Variants in CA5A observed in about 807,000 individuals in gnomAD.
CA5A encodes carbonic anhydrase 5A, mitochondrial.
A neutral mutation model predicts 37.1 loss-of-function variants in CA5A; 28 were observed. That is an observed-to-expected ratio of 0.75 (90% CI 0.56 to 1.03). The LOEUF (loss-of-function observed/expected upper bound fraction) is 1.03. CA5A is among the 50% of genes least tolerant of loss of function. The pLI is 0.00. For missense variants in CA5A, 444 were observed against 399.9 expected (o/e 1.11, Z -0.94); for synonymous variants, 171 against 158.4 (o/e 1.08, Z -0.60).
At chr16:87,923,271 C>T (rs1332045895) in intron 2 of CA5A, among the ~76,000 whole-genome samples, 1 of 152,180 alleles carries the variant, frequency 6.6e-6, no homozygotes, top group East Asian at 1.9e-4. Flanking sequence ...TCACTGCAAA[C>T]TCCACCTCCC....
At chr16:87,891,732 T>G (rs2055716711) in intron 6 of CA5A, 67 bp downstream of exon 6, 2 of 1,303,886 alleles carry the variant, frequency 1.5e-6, no homozygotes, top group South Asian at 3.4e-5. Flanking sequence ...AGCATCTTAG[T>G]GACGCTGCCA....
intron 1 of CA5A, among the ~76,000 whole-genome samples, chr16:87,927,556 G>A (rs1235426585): frequency 6.6e-6 from 1 of 152,114 alleles, no homozygotes; most frequent in Non-Finnish European, 1.5e-5. Context: ...TAAAGTAAGA[G>A]CCATTAATCG....
At chr16:87,889,765 C>G (rs1567513404) in intron 6 of CA5A, among the ~76,000 whole-genome samples, 1 of 151,620 alleles carries the variant, frequency 6.6e-6, no homozygotes. Context: ...GAGGGAAACT[C>G]CATCTCAAAA....
At chr16:87,908,989 A>AT (rs60201296) in intron 2 of CA5A, among the ~76,000 whole-genome samples, 15,273 of 139,238 alleles carry the variant, frequency 0.11, 956 homozygotes, top group Non-Finnish European at 0.15. Context: ...ACACCCGGCT[A>AT]TTTTTTTTTT....
At chr16:87,923,266 G>A (rs375941047) in intron 2 of CA5A, among the ~76,000 whole-genome samples, 29 of 152,264 alleles carry the variant, frequency 1.9e-4, no homozygotes, top group African/African-American at 6.5e-4. Flanking sequence ...TCTGCTCACT[G>A]CAAACTCCAC....
intron 1 of CA5A, among the ~76,000 whole-genome samples, chr16:87,931,973 G>A (rs1051018696): frequency 1.5e-5 from 2 of 137,074 alleles, no homozygotes; most frequent in Non-Finnish European, 3.2e-5. Context: ...GGGCGTGGTC[G>A]TGCCTGCCTG....
In CA5A at chr16:87,931,757, C is replaced by T. The variant is rs116304274; in HGVS notation, c.142+4552G>A. ...TGCCGGAAAGCAGTGACTAAGCCGGCGCTGGGAAACAGTGGGCCCTGCGGC... is the reference window on the plus strand; with the variant it reads ...TGCCGGAAAGCAGTGACTAAGCCGGTGCTGGGAAACAGTGGGCCCTGCGGC... On this transcript the variant is annotated intron_variant, in intron 1 of 6. Transcript: ENST00000649794. Among the ~76,000 whole-genome samples, 79 of 152,316 alleles carry T rather than the reference C, an allele frequency of 5.2e-4. 1 individual carries two copies. Among genetic ancestry groups the T allele is most frequent in the South Asian group, 2.1e-3 (10 of 4,830 alleles).
chr16:87,901,962 GA>G lies in CA5A; in HGVS notation c.567del (p.His190IlefsTer14). 1 of 1,613,696 alleles carries G rather than the reference GA, an allele frequency of 6.2e-7. No homozygotes were observed. Reference protein sequence around the residue: ...VIGVFLKLGAHHQTLQRLVDI... With the variant: ...VIGVFLKLGAXHQTLQRLVDI... ...TCCACCAGCCTCTGCAGCGTCTGAT[GA>G]TGGGCCCCGAGCTGCATGGCAGACA... On this transcript the variant is annotated frameshift_variant, in exon 5 of 7. Transcript: ENST00000649794. LOFTEE classifies it high-confidence loss of function.
At chr16:87,910,410 C>T (rs549229456) in intron 2 of CA5A, among the ~76,000 whole-genome samples, 62 of 152,280 alleles carry the variant, frequency 4.1e-4, no homozygotes, top group African/African-American at 1.2e-3. Flanking sequence ...GAAATTGAGA[C>T]GCAGAGAGGT....
chr16:87,914,922 G>A (rs75477011), intron 2 of CA5A, among the ~76,000 whole-genome samples: 139 of 152,338 alleles, frequency 9.1e-4, no homozygotes, highest in African/African-American at 3.2e-3. Flanking sequence ...TCGGCCTCCC[G>A]TCTTCGGAAC....
intron 5 of CA5A, among the ~76,000 whole-genome samples, chr16:87,900,560 T>C (rs912183708): frequency 2.0e-5 from 3 of 152,240 alleles, no homozygotes; most frequent in Admixed American, 6.5e-5. Context: ...TTCTTTTGTA[T>C]GCTGCTGAAT....
chr16:87,905,018 T>C (rs2055939090), intron 2 of CA5A, 114 bp from the exon 3 acceptor site: 1 of 728,778 alleles, frequency 1.4e-6, no homozygotes, highest in Non-Finnish European at 2.5e-6. Flanking sequence ...AAGGGGTTGC[T>C]GTATGGTTGA....
intron 6 of CA5A, among the ~76,000 whole-genome samples, chr16:87,890,792 TTTTA>T (rs914245589): frequency 1.3e-5 from 2 of 151,850 alleles, no homozygotes; most frequent in African/African-American, 4.8e-5. Flanking sequence ...ATTTTTGTAT[TTTTA>T]TTTATTTATT....
chr16:87,884,503 G>T (rs1426203471), downstream of CA5A: 7 of 151,332 alleles, frequency 4.6e-5, 1 homozygote, highest in Admixed American at 1.3e-4. Context: ...GGAGGCAGAG[G>T]TTGTGGTGAA....
intron 2 of CA5A, chr16:87,923,674 G>A (rs2056261210): frequency 1.0e-6 from 1 of 985,364 alleles, no homozygotes; most frequent in Non-Finnish European, 1.2e-6. Flanking sequence ...CCTTTGCCTT[G>A]GGAATTTATT....
rs186027598 is a variant in CA5A at position 87,917,036 on chromosome 16, C to T, written c.340+9712G>A. Reference sequence around the variant, plus strand: ...AGGAGAATGGTGTGAACCCGGGAGGCGGAGGTTGCAGTGAGCCAAGACAGC... The same window carrying T: ...AGGAGAATGGTGTGAACCCGGGAGGTGGAGGTTGCAGTGAGCCAAGACAGC... On this transcript the variant is annotated intron_variant, in intron 2 of 6. Transcript: ENST00000649794. Among the ~76,000 whole-genome samples the T allele has an allele frequency of 1.4e-3, 211 of 145,680 alleles. 2 individuals carry two copies. The highest frequency in any genetic ancestry group is 0.014 in the Middle Eastern group (4 of 280).
rs577548179 is a variant in CA5A at position 87,917,111 on chromosome 16, A to G, written c.340+9637T>C. Among the ~76,000 whole-genome samples, 41 of 85,874 alleles carry G rather than the reference A, an allele frequency of 4.8e-4. 1 individual carries two copies. The South Asian group carries it at 0.013, about 28-fold the overall frequency. The allele number at this position is 85,874 out of a possible 152,430, so 56.3% of individuals were successfully genotyped here. ...CAGAGCGAGAGTCTGTCTCAAAAAA[A>G]AAAAAAAAAAGAAAAGAAAAGAAAG... On this transcript the variant is annotated intron_variant, in intron 2 of 6. Transcript: ENST00000649794.
chr16:87,910,872 C>T (rs1227610925), intron 2 of CA5A, among the ~76,000 whole-genome samples: 1 of 152,096 alleles, frequency 6.6e-6, no homozygotes, highest in Admixed American at 6.6e-5. Flanking sequence ...ACCTGTGCTT[C>T]CCGAGTAGCT....
chr16:87,911,099 C>CAAAAAAA lies in CA5A; in HGVS notation c.341-6202_341-6196dup, dbSNP rs11314702. 1.0e-5 allele frequency among the ~76,000 whole-genome samples: 1 copy of CAAAAAAA among 96,562 alleles called. No homozygotes were observed. Among genetic ancestry groups the CAAAAAAA allele is most frequent in the Admixed American group, 1.1e-4 (1 of 8,858 alleles). 63.3% of individuals were successfully genotyped at this position (96,562 alleles called of 152,430 possible). On this transcript the variant is annotated intron_variant, in intron 2 of 6. Transcript: ENST00000649794. This position sits in a 1 kb window ranked among gnomAD's most constrained non-coding sequence, Gnocchi z 4.6. ...ACAATGTCAGGGTATTCTCCTTAAT[C>CAAAAAAA]AAAAAAAAAAAAAAAAAAAAAGGCA...
Sources: allele counts gnomAD v4.1 joint callset (sites outside exome capture counted in the v4.1 genomes callset), GRCh38; gene constraint gnomAD v4.1.1; non-coding constraint Gnocchi (gnomAD v3.1); transcripts MANE v1.5; gene names NCBI Gene and HGNC (gene_info 2026-07-23, HGNC 2026-07-21).